The following DOCK1 variants were observed in gnomAD, a reference collection of about 807,000 sequenced individuals.
DOCK1 encodes the protein dedicator of cytokinesis protein 1.
Under a neutral mutation model 262.7 loss-of-function variants are expected in DOCK1, and 138 were observed. The ratio of observed to expected loss-of-function variants is 0.53; its 90% confidence interval spans 0.46 to 0.61. The LOEUF (loss-of-function observed/expected upper bound fraction) is 0.61. Among genes scored for constraint, DOCK1 ranks in the 20% least tolerant of loss-of-function variants. The probability of loss-of-function intolerance (pLI) is 0.00; values close to 1 mark genes in which losing one functional copy is unlikely to be tolerated. For missense variants in DOCK1, 1,908 were observed against 2,370.7 expected, an observed-to-expected ratio of 0.80 and a Z score of 4.05; for synonymous variants, 866 against 867.4, an observed-to-expected ratio of 1.00 and a Z score of 0.03.
chr10:127,289,651 A>T (rs1023430203), intron 29 of DOCK1, among the ~76,000 whole-genome samples: 1 of 152,124 alleles, frequency 6.6e-6, no homozygotes, highest in Non-Finnish European at 1.5e-5. Context: ...ACCTTTGAAA[A>T]TTTATCACAT....
At chr10:127,042,566 A>T in intron 19 of DOCK1, 59 bp from the exon 20 acceptor site, 4 of 1,434,400 alleles carry the variant, frequency 2.8e-6, no homozygotes, top group Non-Finnish European at 3.9e-6. Flanking sequence ...TAGTTATTCC[A>T]GTGTGTGGGG....
chr10:127,397,959 C>A (rs950122200), intron 38 of DOCK1, among the ~76,000 whole-genome samples: 1 of 152,178 alleles, frequency 6.6e-6, no homozygotes, highest in Non-Finnish European at 1.5e-5. Context: ...CAGGAAGCGA[C>A]TCCTGTATTA....
intron 29 of DOCK1, among the ~76,000 whole-genome samples, chr10:127,289,607 A>G (rs2135353083): frequency 6.6e-6 from 1 of 152,312 alleles, no homozygotes; most frequent in African/African-American, 2.4e-5. Context: ...TTTCTCCACA[A>G]CCTTTCCAAC....
chr10:127,257,492 A>G, intron 29 of DOCK1, 63 bp downstream of exon 29: 1 of 1,459,614 alleles, frequency 6.9e-7, no homozygotes, highest in Non-Finnish European at 9.4e-7. Context: ...TGCTGGGAAC[A>G]GTGGTGTTGC....
chr10:127,100,908 C>T lies in DOCK1; in HGVS notation c.2446-5323C>T, dbSNP rs977599887. On this transcript the variant is annotated intron_variant, in intron 23 of 51. Coordinates refer to ENST00000623213, the MANE Select transcript of DOCK1 (RefSeq NM_001290223.2). The surrounding 1 kb of genome is among the most constrained non-coding windows in gnomAD (Gnocchi z 5.5). The stretch of plus-strand genomic sequence containing the variant: ...CTTGCCCACACTGTGGGGTATTGTC[C>T]GATGGAGCAGAGGCTCGCAGGGCCT... Among the ~76,000 whole-genome samples, 19 of 151,972 alleles carry T rather than the reference C, an allele frequency of 1.3e-4. No homozygotes were observed. Among genetic ancestry groups the T allele is most frequent in the African/African-American group, 3.9e-4 (16 of 41,380 alleles).
At chr10:127,144,170 C>T (rs186889941) in intron 27 of DOCK1, among the ~76,000 whole-genome samples, 25 of 152,306 alleles carry the variant, frequency 1.6e-4, no homozygotes, top group Admixed American at 1.4e-3. Context: ...TGTATTCTCT[C>T]CCTCTCCAGT....
At chr10:127,274,608 T>G (rs2060680790) in intron 29 of DOCK1, among the ~76,000 whole-genome samples, 1 of 152,120 alleles carries the variant, frequency 6.6e-6, no homozygotes, top group Admixed American at 6.5e-5. Flanking sequence ...CTGTACAAAC[T>G]AGATGTAAGA....
At chr10:127,147,463 C>T (rs1215388457) in intron 27 of DOCK1, among the ~76,000 whole-genome samples, 1 of 152,158 alleles carries the variant, frequency 6.6e-6, no homozygotes, top group Non-Finnish European at 1.5e-5. Context: ...ACCTCCTCCT[C>T]GCCTGCCTTT....
At chr10:127,191,290 C>A (rs989550763) in intron 27 of DOCK1, among the ~76,000 whole-genome samples, 1 of 152,146 alleles carries the variant, frequency 6.6e-6, no homozygotes, top group Non-Finnish European at 1.5e-5. Context: ...TGGACTTGAG[C>A]TTCTTGGAGT....
chr10:127,220,324 A>G (rs1223445890), intron 27 of DOCK1, among the ~76,000 whole-genome samples: 1 of 152,032 alleles, frequency 6.6e-6, no homozygotes, highest in Non-Finnish European at 1.5e-5. Context: ...AGGAGTGGGG[A>G]GGAAGGAACA....
At chr10:126,991,815 C>T (rs1189370055) in intron 6 of DOCK1, among the ~76,000 whole-genome samples, 1 of 152,136 alleles carries the variant, frequency 6.6e-6, no homozygotes, top group Non-Finnish European at 1.5e-5. Context: ...ATGCGAGAGC[C>T]ACTGCTCCCA....
At chr10:127,375,803 A>G (rs55847253) in intron 35 of DOCK1, among the ~76,000 whole-genome samples, 38,817 of 152,138 alleles carry the variant, frequency 0.26, 5,341 homozygotes, top group East Asian at 0.44. Context: ...TCCAGCATGT[A>G]AAGAGCTTGC....
intron 29 of DOCK1, among the ~76,000 whole-genome samples, chr10:127,258,400 T>C (rs887347126): frequency 1.3e-5 from 2 of 152,254 alleles, no homozygotes; most frequent in African/African-American, 4.8e-5. Flanking sequence ...ATACAGTATA[T>C]AAGCTTTCAG....
At chr10:126,948,702 C>A (rs1224056301) in intron 1 of DOCK1, among the ~76,000 whole-genome samples, 3 of 152,128 alleles carry the variant, frequency 2.0e-5, no homozygotes, top group Non-Finnish European at 4.4e-5. Flanking sequence ...CTCTCGGAGC[C>A]TGTGATGCGG....
Position 127,023,189 on chromosome 10 carries a change from T to C in DOCK1, c.1328-11T>C, listed in dbSNP as rs775321716. 1 of 1,611,998 alleles carries C rather than the reference T, an allele frequency of 6.2e-7. No homozygotes were observed. The highest frequency in any genetic ancestry group is 2.2e-5 in the East Asian group (1 of 44,848). On this transcript the variant is annotated splice_polypyrimidine_tract_variant and intron_variant, in intron 13 of 51. Transcript: ENST00000623213. Reference sequence around the variant, plus strand: ...GATTGTTTTTTAAATGTATGATTTCTCCCCCCTCAGGTGATGTTCGAAATG... The same window carrying C: ...GATTGTTTTTTAAATGTATGATTTCCCCCCCCTCAGGTGATGTTCGAAATG...
At chr10:127,195,219 A>T (rs527913959) in intron 27 of DOCK1, among the ~76,000 whole-genome samples, 1 of 152,166 alleles carries the variant, frequency 6.6e-6, no homozygotes, top group African/African-American at 2.4e-5. Flanking sequence ...CTCGCTCTTG[A>T]CTTTGGGCTC....
chr10:127,087,919 AG>A (rs2047291720), intron 23 of DOCK1, among the ~76,000 whole-genome samples: 1 of 152,220 alleles, frequency 6.6e-6, no homozygotes, highest in African/African-American at 2.4e-5. Flanking sequence ...CAAGCTCCAC[AG>A]CTGAATTATT....
At chr10:127,049,997 A>G (rs973517015) in intron 21 of DOCK1, among the ~76,000 whole-genome samples, 1 of 115,152 alleles carries the variant, frequency 8.7e-6, no homozygotes, top group Non-Finnish European at 1.7e-5. Flanking sequence ...TTTTTACTAT[A>G]GTGATGAGGG....
chr10:127,271,637 G>A (rs573726852), intron 29 of DOCK1, among the ~76,000 whole-genome samples: 1 of 152,234 alleles, frequency 6.6e-6, no homozygotes, highest in South Asian at 2.1e-4. Flanking sequence ...GCACTGGGGG[G>A]GATATCTCTT....
Sources: allele counts gnomAD v4.1 joint callset (sites outside exome capture counted in the v4.1 genomes callset), GRCh38; gene constraint gnomAD v4.1.1; non-coding constraint Gnocchi (gnomAD v3.1); transcripts MANE v1.5; gene names NCBI Gene and HGNC (gene_info 2026-07-23, HGNC 2026-07-21).